FAM110B: variants seen among roughly 807,000 people sequenced by gnomAD.
FAM110B encodes the protein family with sequence similarity 110 member B, also known as protein FAM110B.
Under a neutral mutation model 20.4 loss-of-function variants are expected in FAM110B, and 6 were observed. The ratio of observed to expected loss-of-function variants is 0.29; its 90% CI spans 0.16 to 0.58. The LOEUF (loss-of-function observed/expected upper bound fraction) is 0.58. FAM110B is among the 20% of genes least tolerant of loss of function. FAM110B has a pLI of 0.90. For missense variants in FAM110B, 434 were observed against 498.2 expected (o/e 0.87, Z 1.23); for synonymous variants, 226 against 214.1 (o/e 1.06, Z -0.49).
chr8:58,135,195 T>C (rs958371739), intron 3 of FAM110B, among the ~76,000 whole-genome samples: 2 of 152,184 alleles, frequency 1.3e-5, no homozygotes, highest in South Asian at 2.1e-4. Flanking sequence ...AGTTTCCTCA[T>C]CTGTAAAATG....
At chr8:58,057,881 A>G (rs370380727) in intron 2 of FAM110B, among the ~76,000 whole-genome samples, 33 of 152,216 alleles carry the variant, frequency 2.2e-4, no homozygotes, top group African/African-American at 8.0e-4. Context: ...GCTGTCGCTA[A>G]ATGATTCACC....
intron 1 of FAM110B, among the ~76,000 whole-genome samples, chr8:58,016,479 C>T (rs545630384): frequency 5.1e-4 from 77 of 152,338 alleles, no homozygotes; most frequent in African/African-American, 1.8e-3. Flanking sequence ...AGCTCTTTGA[C>T]TGGAGAGTTG....
intron 1 of FAM110B, among the ~76,000 whole-genome samples, chr8:58,018,036 A>T (rs761234674): frequency 1.3e-5 from 2 of 152,194 alleles, no homozygotes; most frequent in Non-Finnish European, 2.9e-5. Flanking sequence ...AAAACCAAAA[A>T]TGTTATTGTT....
intron 3 of FAM110B, among the ~76,000 whole-genome samples, chr8:58,139,923 C>G (rs557346871): frequency 1.4e-4 from 21 of 151,604 alleles, no homozygotes; most frequent in Non-Finnish European, 3.1e-4. Context: ...GAACGAGACT[C>G]TGTTTTAAAT....
chr8:58,088,387 A>G (rs1806390177), intron 3 of FAM110B, among the ~76,000 whole-genome samples: 1 of 152,182 alleles, frequency 6.6e-6, no homozygotes, highest in Non-Finnish European at 1.5e-5. Flanking sequence ...ATCTAGTTTA[A>G]AACTCCTGCA....
chr8:58,022,217 T>G (rs1319071335), intron 1 of FAM110B, among the ~76,000 whole-genome samples: 1 of 152,196 alleles, frequency 6.6e-6, no homozygotes, highest in East Asian at 1.9e-4. Context: ...CATGAGAAGT[T>G]AAGAAGTCCT....
chr8:58,114,049 T>C (rs1807132901), intron 3 of FAM110B, among the ~76,000 whole-genome samples: 1 of 152,218 alleles, frequency 6.6e-6, no homozygotes, highest in South Asian at 2.1e-4. Flanking sequence ...ATAGGTTTGC[T>C]CTAGCTTAAC....
intron 2 of FAM110B, among the ~76,000 whole-genome samples, chr8:58,061,085 A>G (rs1805647439): frequency 1.3e-5 from 2 of 152,222 alleles, no homozygotes; most frequent in African/African-American, 2.4e-5. Flanking sequence ...CCATCTTTCT[A>G]AAGCCTGGCA....
intron 2 of FAM110B, among the ~76,000 whole-genome samples, chr8:58,048,586 TG>T (rs1339361551): frequency 6.6e-6 from 1 of 152,206 alleles, no homozygotes; most frequent in Non-Finnish European, 1.5e-5. Flanking sequence ...GATAGTTCTT[TG>T]GGGTGTTTTG....
Position 58,147,239 on chromosome 8 carries a change from C to T in FAM110B, c.1009C>T (p.Arg337Cys), listed in dbSNP as rs1403944505. The T allele has an allele frequency of 1.2e-6, 2 of 1,614,002 alleles. No homozygotes were observed. Among genetic ancestry groups the T allele is most frequent in the Admixed American group, 1.7e-5 (1 of 60,012 alleles). Residue 337 changes from arginine to cysteine, a missense_variant, in exon 4 of 4, where the codon CGC becomes TGC. Arg to Cys is a radical substitution (Grantham distance 180). Coordinates refer to ENST00000519262, the MANE Select transcript of FAM110B (RefSeq NM_001377989.1). ...DLRNDDSAND[R>C]VPYGISAIER... ...TAGAAATGATGACAGTGCCAATGAC[C>T]GCGTGCCGTATGGCATTTCTGCCAT... is the stretch of plus-strand genomic sequence containing the variant.
intron 2 of FAM110B, among the ~76,000 whole-genome samples, chr8:58,052,129 G>T (rs901693597): frequency 3.9e-4 from 60 of 152,230 alleles, no homozygotes; most frequent in Non-Finnish European, 4.4e-5. Flanking sequence ...CATCTGTGAG[G>T]CTGGGCACTG....
At chr8:58,103,596 CT>C (rs1806840001) in intron 3 of FAM110B, among the ~76,000 whole-genome samples, 1 of 152,138 alleles carries the variant, frequency 6.6e-6, no homozygotes, top group South Asian at 2.1e-4. Flanking sequence ...ATTTTTACTA[CT>C]TTAACCCCTT....
intron 3 of FAM110B, among the ~76,000 whole-genome samples, chr8:58,112,941 TCCAAGA>T (rs1807099546): frequency 6.6e-6 from 1 of 152,244 alleles, no homozygotes; most frequent in African/African-American, 2.4e-5. Flanking sequence ...GGCTGGGAAG[TCCAAGA>T]CCAAGATGCC....
intron 2 of FAM110B, among the ~76,000 whole-genome samples, chr8:58,073,000 C>A (rs941838083): frequency 6.6e-6 from 1 of 152,148 alleles, no homozygotes; most frequent in Admixed American, 6.5e-5. Flanking sequence ...AATCCAAAAA[C>A]CTGAAAGATA....
At position 58,112,213 on chromosome 8, in the gene FAM110B, C is replaced by T. The variant is rs151319986; in HGVS notation, c.-324-33694C>T. Reference sequence around the variant, plus strand: ...GCATGATGGTGCACACTTGTAGTTCCATCTACTTGGGAAGCTGAGGCAGGA... The same window carrying T: ...GCATGATGGTGCACACTTGTAGTTCTATCTACTTGGGAAGCTGAGGCAGGA... On this transcript the variant is annotated intron_variant, in intron 3 of 3. Coordinates refer to ENST00000519262, the MANE Select transcript of FAM110B (RefSeq NM_001377989.1). Among the ~76,000 whole-genome samples, 577 of 152,188 alleles carry T rather than the reference C, an allele frequency of 3.8e-3. 4 individuals are homozygous for T. Among genetic ancestry groups the T allele is most frequent in the African/African-American group, 0.013 (536 of 41,504 alleles).
intron 1 of FAM110B, among the ~76,000 whole-genome samples, chr8:58,016,886 A>G (rs986660136): frequency 1.3e-5 from 2 of 152,146 alleles, no homozygotes; most frequent in African/African-American, 4.8e-5. Flanking sequence ...GCCTTCTAAG[A>G]GAAGGTAGAT....
intron 2 of FAM110B, among the ~76,000 whole-genome samples, chr8:58,047,405 A>G (rs10957030): frequency 0.043 from 6,557 of 152,200 alleles, 162 homozygotes; most frequent in South Asian, 0.11. Flanking sequence ...CATAAACTAT[A>G]GAGATATGTG....
chr8:58,012,033 C>A (rs1407486125), intron 1 of FAM110B, among the ~76,000 whole-genome samples: 12 of 152,180 alleles, frequency 7.9e-5, no homozygotes. Context: ...GGACCTCGTG[C>A]ATTACTGCCT....
chr8:58,043,715 C>T (rs1805263886), intron 2 of FAM110B, among the ~76,000 whole-genome samples: 1 of 152,176 alleles, frequency 6.6e-6, no homozygotes, highest in African/African-American at 2.4e-5. Flanking sequence ...AATCCAAACA[C>T]TTACATAGTT....
Sources: gnomAD v4.1 joint callset for allele counts (sites outside exome capture counted in the v4.1 genomes callset) on GRCh38, gnomAD v4.1.1 for gene constraint, MANE v1.5 for transcripts, NCBI Gene and HGNC (gene_info 2026-07-23, HGNC 2026-07-21) for gene names.